SCNN1B: variants seen among roughly 807,000 people sequenced by gnomAD.
The protein encoded by SCNN1B is sodium channel epithelial 1 subunit beta, also known as epithelial sodium channel subunit beta.
In SCNN1B, 46 loss-of-function variants were observed where a neutral mutation model predicts 65.3. The ratio of observed to expected loss-of-function variants is 0.70; its 90% CI spans 0.56 to 0.90. SCNN1B has a LOEUF of 0.90. Among genes scored for constraint, SCNN1B ranks in the 40% least tolerant of loss-of-function variants. The pLI, the probability that SCNN1B is intolerant of heterozygous loss-of-function variation, is 0.00. For synonymous variants in SCNN1B, 349 were observed against 330.6 expected, an observed-to-expected ratio of 1.06 and a Z score of -0.60; for missense variants, 751 against 830.5, an observed-to-expected ratio of 0.90 and a Z score of 1.18.
Position 23,377,180 on chromosome 16 carries a change from A to T in SCNN1B, c.1286A>T (p.Asp429Val). Residue 429 changes from aspartate (D) to valine (V), a missense_variant, in exon 9 of 13, where the codon GAT (aspartate) becomes GTT (valine). Transcript: ENST00000343070. ...TCCTGCGCAGCCCATTGCTACTCAGATCTACAGATGAGCGTGGCGCAGAGA... is the reference window on the plus strand; with the variant it reads ...TCCTGCGCAGCCCATTGCTACTCAGTTCTACAGATGAGCGTGGCGCAGAGA... ...DFPDWAHCYS[D>V]LQMSVAQRET... is the part of the protein sequence containing the mutation. 6.2e-7 allele frequency: 1 copy of T among 1,614,158 alleles called. No individual in the cohort carries two copies. The highest frequency in any genetic ancestry group is 8.5e-7 in the Non-Finnish European group (1 of 1,180,006).
intron 4 of SCNN1B, among the ~76,000 whole-genome samples, chr16:23,366,113 A>G (rs959050609): frequency 6.6e-6 from 1 of 152,244 alleles, no homozygotes; most frequent in African/African-American, 2.4e-5. Flanking sequence ...GGCTTCAAAG[A>G]CAATACTGCA....
chr16:23,331,815 C>T (rs1396815104), intron 1 of SCNN1B, among the ~76,000 whole-genome samples: 2 of 152,084 alleles, frequency 1.3e-5, no homozygotes, highest in African/African-American at 4.8e-5. Context: ...GGTCTGAGTT[C>T]TGTCTCAACA....
intron 1 of SCNN1B, among the ~76,000 whole-genome samples, chr16:23,312,216 C>A (rs953976663): frequency 6.6e-6 from 1 of 152,164 alleles, no homozygotes; most frequent in Non-Finnish European, 1.5e-5. Flanking sequence ...GGAATCCTCC[C>A]ACCTCGAGCT....
intron 1 of SCNN1B, among the ~76,000 whole-genome samples, chr16:23,307,239 G>C (rs900937361): frequency 6.6e-6 from 1 of 150,730 alleles, no homozygotes; most frequent in African/African-American, 2.4e-5. Flanking sequence ...TCCTAGCATA[G>C]AATCTAGCAC....
intron 4 of SCNN1B, among the ~76,000 whole-genome samples, chr16:23,359,629 G>T (rs1962494893): frequency 6.6e-6 from 1 of 152,030 alleles, no homozygotes; most frequent in East Asian, 1.9e-4. Context: ...ACTCCATCCT[G>T]TCCCCCTCCT....
chr16:23,362,204 G>C (rs1048496466), intron 4 of SCNN1B, among the ~76,000 whole-genome samples: 1 of 151,894 alleles, frequency 6.6e-6, no homozygotes, highest in Non-Finnish European at 1.5e-5. Context: ...AATTAGCCGG[G>C]TGTGTTGGCA....
At chr16:23,319,337 C>T (rs1017759490) in intron 1 of SCNN1B, among the ~76,000 whole-genome samples, 5 of 152,150 alleles carry the variant, frequency 3.3e-5, no homozygotes, top group Non-Finnish European at 5.9e-5. Context: ...TGAGCCACTG[C>T]GCCCAGCCCA....
chr16:23,344,096 A>G (rs1407859759), intron 1 of SCNN1B, among the ~76,000 whole-genome samples: 2 of 152,232 alleles, frequency 1.3e-5, no homozygotes, highest in Non-Finnish European at 2.9e-5. Flanking sequence ...ACTGTTGTTT[A>G]CTTAAACATT....
At chr16:23,282,383 G>A (rs538862894) in intron 1 of SCNN1B, among the ~76,000 whole-genome samples, 20 of 152,164 alleles carry the variant, frequency 1.3e-4, no homozygotes, top group Non-Finnish European at 2.6e-4. Flanking sequence ...ACAATAACAT[G>A]AGATAGGCAC....
At chr16:23,279,245 A>G (rs146430216) in intron 1 of SCNN1B, among the ~76,000 whole-genome samples, 86 of 152,016 alleles carry the variant, frequency 5.7e-4, no homozygotes, top group African/African-American at 1.9e-3. Flanking sequence ...ACGCCTGGCT[A>G]ATTTTTGTAT....
intron 1 of SCNN1B, among the ~76,000 whole-genome samples, chr16:23,328,667 G>A (rs1190240115): frequency 2.0e-5 from 3 of 152,164 alleles, no homozygotes; most frequent in Non-Finnish European, 2.9e-5. Flanking sequence ...CCTAAAATTC[G>A]GAAGTGGGTC....
At chr16:23,283,727 G>A (rs1282872777) in intron 1 of SCNN1B, 1 of 152,198 alleles carries the variant, frequency 6.6e-6, no homozygotes, top group Non-Finnish European at 1.5e-5. Flanking sequence ...TTACACAAAT[G>A]ATTCAACAGC....
chr16:23,367,080 TC>T (rs529394303), intron 4 of SCNN1B, among the ~76,000 whole-genome samples: 235 of 152,254 alleles, frequency 1.5e-3, no homozygotes, highest in African/African-American at 5.5e-3. Flanking sequence ...CTGTCTCTCT[TC>T]TGTGTCTTCT....
chr16:23,340,251 C>T (rs1437909470), intron 1 of SCNN1B, among the ~76,000 whole-genome samples: 1 of 152,192 alleles, frequency 6.6e-6, no homozygotes, highest in African/African-American at 2.4e-5. Flanking sequence ...CTTGCTCTCT[C>T]ATTTTCTCAA....
chr16:23,340,721 A>G (rs1313181602), intron 1 of SCNN1B, among the ~76,000 whole-genome samples: 3 of 152,146 alleles, frequency 2.0e-5, no homozygotes, highest in Non-Finnish European at 4.4e-5. Context: ...TCATTGAACT[A>G]CCTTGGCAAA....
chr16:23,379,122 C>T (rs112438348), intron 11 of SCNN1B, among the ~76,000 whole-genome samples: 1 of 148,564 alleles, frequency 6.7e-6, no homozygotes, highest in Non-Finnish European at 1.5e-5. Context: ...CACCCACACA[C>T]CCAGCCATCC....
rs185386265 is a variant in SCNN1B, at chr16:23,350,373, C to T, written c.311+1463C>T. Among the ~76,000 whole-genome samples, 283 of 152,238 alleles carry T rather than the reference C, an allele frequency of 1.9e-3. 3 individuals are homozygous for T. Among genetic ancestry groups the T allele is most frequent in the Admixed American group, 2.7e-3 (42 of 15,296 alleles). Reference sequence around the variant, plus strand: ...TCCGGATTGCCCGTTCTCCATTCTCCGCTTGATAGCAAGACCTGTGAAGGG... The same window carrying T: ...TCCGGATTGCCCGTTCTCCATTCTCTGCTTGATAGCAAGACCTGTGAAGGG... On this transcript the variant is annotated intron_variant, in intron 2 of 12. Coordinates refer to ENST00000343070, the MANE Select transcript of SCNN1B (RefSeq NM_000336.3).
At chr16:23,301,161 C>T (rs915990968), upstream of SCNN1B, among the ~76,000 whole-genome samples, 2 of 151,898 alleles carry the variant, frequency 1.3e-5, no homozygotes, top group South Asian at 4.2e-4. Context: ...TCCAGGAGTT[C>T]CAGACCAGCC....
At chr16:23,325,678 C>T (rs182696956) in intron 1 of SCNN1B, among the ~76,000 whole-genome samples, 1 of 152,000 alleles carries the variant, frequency 6.6e-6, no homozygotes, top group African/African-American at 2.4e-5. Flanking sequence ...TTATACAAAC[C>T]CCTGTTCTGC....
Sources: allele counts gnomAD v4.1 joint callset (sites outside exome capture counted in the v4.1 genomes callset), GRCh38; gene constraint gnomAD v4.1.1; transcripts MANE v1.5; gene names NCBI Gene and HGNC (gene_info 2026-07-23, HGNC 2026-07-21).